ITGA11: variants seen among roughly 807,000 people sequenced by gnomAD.
The protein encoded by ITGA11 is integrin alpha-11.
Under a neutral mutation model 141.9 loss-of-function variants are expected in ITGA11, and 97 were observed. The observed-to-expected ratio is 0.68, with a 90% CI of 0.58 to 0.81. ITGA11 has a LOEUF of 0.81. ITGA11 is among the 30% of genes least tolerant of loss of function. ITGA11 has a pLI of 0.00. For synonymous variants in ITGA11, 658 were observed against 624.6 expected (o/e 1.05, Z -0.80); for missense variants, 1,387 against 1,559.2 (o/e 0.89, Z 1.86).
chr15:68,331,883 G>A lies in ITGA11; in HGVS notation c.1746C>T (p.Gly582=), dbSNP rs770403456. ...GAIYIFHGFR[G]SILKTPKQRI... The stretch of plus-strand genomic sequence containing the variant: ...CCTGCTTAGGTGTCTTCAGGATGCT[G>A]CCTCGGAAGCCGTGGAAGATGTAGA... Residue 582 remains glycine, a synonymous_variant, in exon 14 of 30, where the codon GGC becomes GGT. Coordinates refer to ENST00000315757, the MANE Select transcript of ITGA11 (RefSeq NM_001004439.2). The A allele has an allele frequency of 6.2e-7, 1 of 1,612,894 alleles. No homozygotes were observed. The highest frequency in any genetic ancestry group is 8.5e-7 in the Non-Finnish European group (1 of 1,179,530).
At chr15:68,394,224 T>G (rs1160927366) in intron 2 of ITGA11, among the ~76,000 whole-genome samples, 1 of 152,160 alleles carries the variant, frequency 6.6e-6, no homozygotes, top group Non-Finnish European at 1.5e-5. Context: ...TAATTTAAAA[T>G]ATTGCCAACA....
chr15:68,432,089 T>C lies in ITGA11; in HGVS notation c.-23A>G. ...CATGGCCCGCGGCACGGCGGCTGGG[T>C]CCGGTGTGCAGCGGCGGCGGGGGGC... On this transcript the variant is annotated 5_prime_UTR_variant, in exon 1 of 30. Transcript: ENST00000315757. 2 of 1,365,160 alleles carry C rather than the reference T, an allele frequency of 1.5e-6. No homozygotes were observed. Among genetic ancestry groups the C allele is most frequent in the South Asian group, 2.0e-5 (1 of 49,128 alleles). The allele number at this position is 1,365,160 out of a possible 1,614,324, so 84.6% of individuals were successfully genotyped here.
intron 1 of ITGA11, among the ~76,000 whole-genome samples, chr15:68,408,258 C>A (rs1361972046): frequency 6.6e-6 from 1 of 152,176 alleles, no homozygotes; most frequent in African/African-American, 2.4e-5. Flanking sequence ...CCCTGGGAAG[C>A]TTCCCTGATA....
chr15:68,345,244 T>C (rs1186455330), intron 10 of ITGA11, among the ~76,000 whole-genome samples: 1 of 152,182 alleles, frequency 6.6e-6, no homozygotes, highest in Non-Finnish European at 1.5e-5. Flanking sequence ...AAAAATGTAT[T>C]CTAAAGTCTG....
chr15:68,411,022 C>A (rs543530575), intron 1 of ITGA11, among the ~76,000 whole-genome samples: 4 of 152,234 alleles, frequency 2.6e-5, no homozygotes, highest in Non-Finnish European at 5.9e-5. Flanking sequence ...CCATGGGCAG[C>A]TGCGTGGCCA....
intron 4 of ITGA11, among the ~76,000 whole-genome samples, chr15:68,363,034 G>A (rs1035147086): frequency 1.3e-5 from 2 of 152,134 alleles, no homozygotes; most frequent in South Asian, 2.1e-4. Context: ...ATTGATGGGT[G>A]GATGAATGAT....
chr15:68,419,621 G>A (rs1044107560), intron 1 of ITGA11, among the ~76,000 whole-genome samples: 1 of 152,232 alleles, frequency 6.6e-6, no homozygotes, highest in African/African-American at 2.4e-5. Flanking sequence ...CAGGATTGAG[G>A]TTCTGGCTCA....
chr15:68,409,881 C>T (rs1896734488), intron 1 of ITGA11, among the ~76,000 whole-genome samples: 1 of 152,214 alleles, frequency 6.6e-6, no homozygotes. Context: ...CTCACGGGTC[C>T]CGTGCCATCC....
At chr15:68,383,125 G>A (rs2140379366) in intron 2 of ITGA11, among the ~76,000 whole-genome samples, 1 of 152,250 alleles carries the variant, frequency 6.6e-6, no homozygotes, top group South Asian at 2.1e-4. Context: ...CAAAAGATTA[G>A]CCGGGCGTGG....
At chr15:68,400,701 T>A (rs1415895419) in intron 2 of ITGA11, among the ~76,000 whole-genome samples, 1 of 32,486 alleles carries the variant, frequency 3.1e-5, no homozygotes, top group African/African-American at 1.8e-4. Flanking sequence ...TTATATATTA[T>A]ATAATAAATA....
intron 2 of ITGA11, among the ~76,000 whole-genome samples, chr15:68,401,281 T>G (rs758507157): frequency 1.3e-5 from 2 of 152,054 alleles, no homozygotes; most frequent in Non-Finnish European, 2.9e-5. Flanking sequence ...GTAAACCACT[T>G]TGAAACAAAT....
At chr15:68,364,301 T>G (rs1895345962) in intron 4 of ITGA11, among the ~76,000 whole-genome samples, 1 of 152,222 alleles carries the variant, frequency 6.6e-6, no homozygotes, top group South Asian at 2.1e-4. Flanking sequence ...TGCAGCCTGC[T>G]TCTTTTTTCA....
At chr15:68,412,715 A>G (rs1232218726) in intron 1 of ITGA11, among the ~76,000 whole-genome samples, 1 of 116,758 alleles carries the variant, frequency 8.6e-6, no homozygotes, top group Admixed American at 1.3e-4. Context: ...TCGTTCTGTC[A>G]CCCAGACTGG....
chr15:68,350,774 G>A lies in ITGA11; in HGVS notation c.903C>T (p.Gly301=). ...NVTRYAVAVL[G]YYNRRGINPE... ...GATTGATCCCCCTGCGGTTGTAGTA[G>A]CCCAGGACCTGCCAGGGAACAGGGG... is the stretch of plus-strand genomic sequence containing the variant. The change falls in exon 9 of 30, where the codon GGC becomes GGT. Residue 301 remains glycine (G), a synonymous_variant. Coordinates refer to ENST00000315757, the MANE Select transcript of ITGA11 (RefSeq NM_001004439.2). 1 of 1,612,414 alleles carries A rather than the reference G, an allele frequency of 6.2e-7. No homozygotes were observed. The highest frequency in any genetic ancestry group is 8.5e-7 in the Non-Finnish European group (1 of 1,179,094).
chr15:68,327,505 G>C (rs910686421), intron 16 of ITGA11, among the ~76,000 whole-genome samples: 4 of 152,198 alleles, frequency 2.6e-5, no homozygotes, highest in Non-Finnish European at 4.4e-5. Context: ...TTGGCTGAGA[G>C]ACTCCCTGAG....
intron 10 of ITGA11, among the ~76,000 whole-genome samples, chr15:68,347,043 C>T (rs1026306394): frequency 6.6e-6 from 1 of 152,198 alleles, no homozygotes; most frequent in South Asian, 2.1e-4. Context: ...GAATCATTTC[C>T]GGGTCCTTTC....
intron 1 of ITGA11, among the ~76,000 whole-genome samples, chr15:68,422,061 T>A (rs1274839888): frequency 6.6e-6 from 1 of 152,184 alleles, no homozygotes; most frequent in Admixed American, 6.5e-5. Context: ...CTCTTTAAGT[T>A]TGGGGCATGA....
intron 2 of ITGA11, among the ~76,000 whole-genome samples, chr15:68,394,797 T>C (rs1271394818): frequency 6.6e-6 from 1 of 152,172 alleles, no homozygotes; most frequent in Admixed American, 6.5e-5. Flanking sequence ...CTAATATGAA[T>C]ATTTGTGGAT....
In ITGA11 at chr15:68,332,154, C is replaced by T; in HGVS notation, c.1567-92G>A. On this transcript the variant is annotated intron_variant, in intron 13 of 29. Coordinates refer to ENST00000315757, the MANE Select transcript of ITGA11 (RefSeq NM_001004439.2). ...TCTGCAGGCTGCTCCGGCATCCTCT[C>T]ACCACTCCATTCCCCAGAACCCCGT... The T allele has an allele frequency of 3.1e-6, 4 of 1,277,314 alleles. No individual in the cohort carries two copies. The South Asian group carries it at 5.4e-5, about 17-fold the overall frequency. The allele number at this position is 1,277,314 out of a possible 1,614,324, so 79.1% of individuals were successfully genotyped here. A position where few individuals can be genotyped will look rare whatever the true frequency, so the allele number is the denominator to read the frequency against.
Sources: allele counts gnomAD v4.1 joint callset (sites outside exome capture counted in the v4.1 genomes callset), GRCh38; gene constraint gnomAD v4.1.1; transcripts MANE v1.5; gene names NCBI Gene and HGNC (gene_info 2026-07-23, HGNC 2026-07-21).